The following DENND2B variants were observed in gnomAD, a reference collection of about 807,000 sequenced individuals.
DENND2B encodes DENN domain-containing protein 2B.
DENND2B carries 32 observed loss-of-function variants against 116.0 expected under a neutral mutation model. The observed-to-expected ratio is 0.28, with a 90% CI of 0.21 to 0.37. The LOEUF is 0.37. Ranked by LOEUF, DENND2B falls within the 10% of genes least tolerant of loss-of-function variation. DENND2B has a pLI of 1.00. For missense variants in DENND2B, 1,276 were observed against 1,477.7 expected, an observed-to-expected ratio of 0.86 and a Z score of 2.24; for synonymous variants, 588 against 583.9, an observed-to-expected ratio of 1.01 and a Z score of -0.10.
intron 2 of DENND2B, among the ~76,000 whole-genome samples, chr11:8,879,809 G>T (rs1819208948): frequency 6.6e-6 from 1 of 152,120 alleles, no homozygotes; most frequent in Non-Finnish European, 1.5e-5. Flanking sequence ...TAGACTAGAG[G>T]TTAGAGGCAA....
chr11:8,902,523 T>C (rs181464582), intron 1 of DENND2B, among the ~76,000 whole-genome samples: 12 of 152,334 alleles, frequency 7.9e-5, no homozygotes, highest in African/African-American at 2.9e-4. Flanking sequence ...CCACTTTGTC[T>C]AGTGATATTT....
chr11:8,779,483 C>CTTTT (rs2058113087), intron 1 of DENND2B, among the ~76,000 whole-genome samples: 1 of 149,886 alleles, frequency 6.7e-6, no homozygotes, highest in South Asian at 2.2e-4. Flanking sequence ...TCGGGGTTTC[C>CTTTT]TTTTTCTTTC....
intron 1 of DENND2B, among the ~76,000 whole-genome samples, chr11:8,758,346 A>T (rs909162865): frequency 4.6e-5 from 7 of 152,106 alleles, no homozygotes; most frequent in Non-Finnish European, 8.8e-5. Context: ...AGGAACGCAC[A>T]CACCACGGGA....
At chr11:8,742,325 A>C (rs1363522876) in intron 2 of DENND2B, among the ~76,000 whole-genome samples, 1 of 152,136 alleles carries the variant, frequency 6.6e-6, no homozygotes, top group Admixed American at 6.5e-5. Context: ...TTATGCCATT[A>C]AATTTTTTTT....
At chr11:8,708,032 C>T in intron 11 of DENND2B, 178 bp from the exon 12 acceptor site, 1 of 1,520,922 alleles carries the variant, frequency 6.6e-7, no homozygotes, top group Middle Eastern at 1.8e-4. Context: ...CCACCACTCT[C>T]AGGACAGGCC....
chr11:8,775,473 T>A (rs947743197), intron 1 of DENND2B, among the ~76,000 whole-genome samples: 2 of 152,020 alleles, frequency 1.3e-5, no homozygotes, highest in African/African-American at 2.4e-5. Flanking sequence ...TTGTAACCCC[T>A]CAAAGCCACT....
At chr11:8,718,651 G>T in intron 4 of DENND2B, 1 of 1,278,500 alleles carries the variant, frequency 7.8e-7, no homozygotes, top group Non-Finnish European at 9.9e-7. Flanking sequence ...CAGGGGAGGT[G>T]TGAAAGGCTT....
intron 19 of DENND2B, among the ~76,000 whole-genome samples, chr11:8,694,947 A>G (rs2133648563): frequency 6.6e-6 from 1 of 152,284 alleles, no homozygotes; most frequent in Non-Finnish European, 1.5e-5. Flanking sequence ...CTGTAGTCCC[A>G]GCTACTCAGG....
intron 3 of DENND2B, among the ~76,000 whole-genome samples, chr11:8,840,831 T>C (rs1198263760): frequency 6.6e-6 from 1 of 150,864 alleles, no homozygotes; most frequent in Non-Finnish European, 1.5e-5. Flanking sequence ...CTTCCTGGCC[T>C]GGCCACGGAA....
Position 8,730,094 on chromosome 11 carries a change from T to C in DENND2B, c.1196A>G (p.Asp399Gly). The C allele has an allele frequency of 5.0e-6, 8 of 1,614,184 alleles. No homozygotes were observed. The highest frequency in any genetic ancestry group is 6.8e-6 in the Non-Finnish European group (8 of 1,180,020). Residue 399 changes from aspartate (D) to glycine (G), a missense_variant, in exon 3 of 20, where the codon GAC (aspartate) becomes GGC (glycine). Asp to Gly is a moderately conservative substitution (Grantham distance 94, BLOSUM62 -1). Around this residue, in one of 2 missense-constraint regions of DENND2B, gnomAD observed 856 missense variants for 846.6 expected, o/e 1.01. Transcript: ENST00000313726. The surrounding 1 kb of genome is among the most constrained non-coding windows in gnomAD (Gnocchi z 4.1). Reference protein sequence around the residue: ...KPKRTFEYEADKNPKSKPSNG... With the variant: ...KPKRTFEYEAGKNPKSKPSNG... The stretch of plus-strand genomic sequence containing the variant: ...ACTGGGCTTACTCTTGGGGTTCTTG[T>C]CAGCCTCGTATTCAAAGGTGCGCTT...
chr11:8,726,375 G>A, intron 3 of DENND2B, 166 bp from the exon 4 acceptor site: 2 of 861,774 alleles, frequency 2.3e-6, no homozygotes, highest in Non-Finnish European at 3.4e-6. Context: ...AGAGACAGAT[G>A]GTCTGAAAGG....
In DENND2B at chr11:8,718,530, T is replaced by C. The variant is rs548396791; in HGVS notation, c.1478-638A>G. 325 of 1,440,224 alleles carry C rather than the reference T, an allele frequency of 2.3e-4. 2 individuals are homozygous for C. The East Asian group carries it at 8.1e-3, about 36-fold the overall frequency. 89.2% of individuals were successfully genotyped at this position (1,440,224 alleles called of 1,614,324 possible). A position where few individuals can be genotyped will look rare whatever the true frequency, so the allele number is the denominator to read the frequency against. ...TTAGCAAGGAGGAAGTGTTCAGTAA[T>C]GATCTGTTCGATGACTCTCCTACTG... On this transcript the variant is annotated intron_variant, in intron 4 of 19. Transcript: ENST00000313726.
intron 4 of DENND2B, 97 bp downstream of exon 4, chr11:8,725,976 G>GTA: frequency 6.4e-7 from 1 of 1,568,994 alleles, no homozygotes; most frequent in Non-Finnish European, 8.7e-7. Flanking sequence ...GACCATGCCT[G>GTA]CCCACAGTGA....
chr11:8,702,459 C>A lies in DENND2B; in HGVS notation c.2720+113G>T. On this transcript the variant is annotated intron_variant, in intron 14 of 19. Coordinates refer to ENST00000313726, the MANE Select transcript of DENND2B (RefSeq NM_213618.2). The surrounding 1 kb of genome is among the most constrained non-coding windows in gnomAD (Gnocchi z 4.6). ...TAGTCTTCCATCTCCCTACGCACAG[C>A]CCCACTCCAGCACTGGTCTCCGGCG... is the stretch of plus-strand genomic sequence containing the variant. 2 of 1,467,446 alleles carry A rather than the reference C, an allele frequency of 1.4e-6. No individual in the cohort carries two copies. The highest frequency in any genetic ancestry group is 2.0e-5 in the Admixed American group (1 of 49,522). 90.9% of individuals were successfully genotyped at this position (1,467,446 alleles called of 1,614,324 possible).
chr11:8,761,830 T>C (rs2054699919), intron 1 of DENND2B, among the ~76,000 whole-genome samples: 1 of 152,192 alleles, frequency 6.6e-6, no homozygotes. Flanking sequence ...AAAATCCTAA[T>C]ACCTCCGTTT....
At chr11:8,823,730 A>C (rs2061854691) in intron 4 of DENND2B, among the ~76,000 whole-genome samples, 1 of 152,116 alleles carries the variant, frequency 6.6e-6, no homozygotes, top group Non-Finnish European at 1.5e-5. Flanking sequence ...TGAGTCAATT[A>C]AACTTCTTTC....
intron 1 of DENND2B, among the ~76,000 whole-genome samples, chr11:8,772,816 C>A (rs927204670): frequency 1.3e-5 from 2 of 152,248 alleles, no homozygotes; most frequent in African/African-American, 4.8e-5. Context: ...GCTGGGACAA[C>A]AAACATCAAG....
chr11:8,738,104 A>G (rs1246504087), intron 2 of DENND2B, among the ~76,000 whole-genome samples: 2 of 152,192 alleles, frequency 1.3e-5, no homozygotes, highest in Non-Finnish European at 2.9e-5. Flanking sequence ...GTGCAGATAC[A>G]GAGGGCACAA....
chr11:8,740,352 C>T (rs1347548260), intron 2 of DENND2B, among the ~76,000 whole-genome samples: 2 of 152,138 alleles, frequency 1.3e-5, no homozygotes, highest in South Asian at 4.1e-4. Flanking sequence ...TGACACAGGC[C>T]CCTCTTCAGT....
Sources: allele counts gnomAD v4.1 joint callset (sites outside exome capture counted in the v4.1 genomes callset), GRCh38; gene constraint gnomAD v4.1.1; regional missense constraint gnomAD v4.1.1; non-coding constraint Gnocchi (gnomAD v3.1); transcripts MANE v1.5; gene names NCBI Gene and HGNC (gene_info 2026-07-23, HGNC 2026-07-21).